ESRRB: variants seen among roughly 807,000 people sequenced by gnomAD.
ESRRB encodes the protein steroid hormone receptor ERR2.
Under a neutral mutation model 46.0 loss-of-function variants are expected in ESRRB, and 16 were observed. That is an observed-to-expected ratio of 0.35 (90% confidence interval 0.24 to 0.53). The LOEUF (loss-of-function observed/expected upper bound fraction) is 0.53, where lower values mean the gene tolerates loss of function less well. ESRRB is among the 20% of genes least tolerant of loss of function. ESRRB has a pLI of 0.93. For missense variants in ESRRB, 488 were observed against 607.4 expected, an observed-to-expected ratio of 0.80 and a Z score of 2.07; for synonymous variants, 246 against 259.6, an observed-to-expected ratio of 0.95 and a Z score of 0.50.
intron 1 of ESRRB, among the ~76,000 whole-genome samples, chr14:76,354,166 A>C (rs1884347241): frequency 6.7e-6 from 1 of 148,714 alleles, no homozygotes; most frequent in Admixed American, 6.7e-5. Flanking sequence ...CACCCCCGGG[A>C]AATCTGCTTG....
chr14:76,456,868 G>T (rs1888636532), intron 2 of ESRRB, among the ~76,000 whole-genome samples: 1 of 152,146 alleles, frequency 6.6e-6, no homozygotes, highest in South Asian at 2.1e-4. Context: ...AGATGAAAGG[G>T]ATGGTCCCTG....
chr14:76,445,218 C>A, intron 2 of ESRRB, among the ~76,000 whole-genome samples: 1 of 147,496 alleles, frequency 6.8e-6, no homozygotes. Context: ...ACCTGTAATC[C>A]CAGCACTTTG....
At chr14:76,489,479 A>ACACACACACACACACACACC in intron 5 of ESRRB, among the ~76,000 whole-genome samples, 1 of 150,016 alleles carries the variant, frequency 6.7e-6, no homozygotes, top group East Asian at 1.9e-4. Flanking sequence ...ACACACACAC[A>ACACACACACACACACACACC]CCCTGATCCC....
chr14:76,339,475 C>T (rs1451439255), intron 1 of ESRRB, among the ~76,000 whole-genome samples: 2 of 152,220 alleles, frequency 1.3e-5, no homozygotes, highest in African/African-American at 4.8e-5. Context: ...CCTCTTGGGG[C>T]CCCATGAGCT....
intron 1 of ESRRB, among the ~76,000 whole-genome samples, chr14:76,400,788 G>A (rs1199192082): frequency 2.6e-5 from 4 of 152,158 alleles, no homozygotes; most frequent in South Asian, 2.1e-4. Flanking sequence ...ATCCTCCAAC[G>A]GGCAGGCTCC....
chr14:76,490,198 C>A (rs1890170087), intron 5 of ESRRB, among the ~76,000 whole-genome samples: 1 of 152,192 alleles, frequency 6.6e-6, no homozygotes, highest in South Asian at 2.1e-4. Context: ...ATAAATCCAG[C>A]ATGTCCGTGT....
intron 1 of ESRRB, among the ~76,000 whole-genome samples, chr14:76,325,531 C>T (rs999458232): frequency 4.6e-5 from 7 of 152,006 alleles, no homozygotes; most frequent in Non-Finnish European, 7.4e-5. Flanking sequence ...AAGTTCTTCT[C>T]GTATTAATGC....
intron 1 of ESRRB, among the ~76,000 whole-genome samples, chr14:76,346,775 G>A (rs1884255501): frequency 6.6e-6 from 1 of 152,236 alleles, no homozygotes; most frequent in Admixed American, 6.5e-5. Flanking sequence ...AGTCCTGCAA[G>A]GTCTGAGAGG....
rs1341309369 is a variant in ESRRB at position 76,499,357 on chromosome 14, T to C, written c.*899T>C. On this transcript the variant is annotated 3_prime_UTR_variant, in exon 7 of 7. Coordinates refer to ENST00000644823, the MANE Select transcript of ESRRB (RefSeq NM_001379180.1). ...GGCAGGTCCAGGCCAAGTGAGCCTG[T>C]GAGAAGCTCAGGAGCCTGGCTCCAT... The C allele has an allele frequency of 4.0e-6, 1 of 248,378 alleles. No homozygotes were observed. Among genetic ancestry groups the C allele is most frequent in the African/African-American group, 2.2e-5 (1 of 44,876 alleles). The allele number at this position is 248,378 out of a possible 1,614,324, so 15.4% of individuals were successfully genotyped here. A position where few individuals can be genotyped will look rare whatever the true frequency, so the allele number is the denominator to read the frequency against.
In ESRRB at chr14:76,498,761, G is replaced by A. The variant is rs2140064669; in HGVS notation, c.*303G>A. On this transcript the variant is annotated 3_prime_UTR_variant, in exon 7 of 7. Transcript: ENST00000644823. Reference sequence around the variant, plus strand: ...GGGCTGACTCCCTTCAGGAGTGGAGGCCACTGGAGCAAGTGCCCTCTCCCC... The same window carrying A: ...GGGCTGACTCCCTTCAGGAGTGGAGACCACTGGAGCAAGTGCCCTCTCCCC... The A allele has an allele frequency of 1.3e-6, 1 of 784,278 alleles. No homozygotes were observed. The allele number at this position is 784,278 out of a possible 1,614,324, so 48.6% of individuals were successfully genotyped here. A position where few individuals can be genotyped will look rare whatever the true frequency, so the allele number is the denominator to read the frequency against.
At chr14:76,468,396 C>A (rs1011442541) in intron 3 of ESRRB, among the ~76,000 whole-genome samples, 1 of 111,846 alleles carries the variant, frequency 8.9e-6, no homozygotes, top group Non-Finnish European at 1.8e-5. Context: ...CACTGCCCCC[C>A]CCCCAACACC....
chr14:76,335,577 A>G (rs2360995), intron 1 of ESRRB, among the ~76,000 whole-genome samples: 101,108 of 152,128 alleles, frequency 0.66, 33,680 homozygotes, highest in Middle Eastern at 0.74. Flanking sequence ...GTTAGGTGAA[A>G]AGGAAACAAA....
intron 1 of ESRRB, among the ~76,000 whole-genome samples, chr14:76,420,261 G>GC (rs1027943403): frequency 4.6e-5 from 7 of 151,926 alleles, no homozygotes; most frequent in African/African-American, 7.2e-5. Flanking sequence ...GTATCTTCAG[G>GC]CCCCCCCAGC....
intron 1 of ESRRB, among the ~76,000 whole-genome samples, chr14:76,381,443 G>C (rs953364757): frequency 2.0e-5 from 3 of 152,182 alleles, no homozygotes; most frequent in Non-Finnish European, 2.9e-5. Flanking sequence ...ATGACTGGGA[G>C]AGATCCGTAG....
intron 5 of ESRRB, among the ~76,000 whole-genome samples, chr14:76,485,233 ATTTTTTTTTT>A (rs34504939): frequency 1.1e-5 from 1 of 91,858 alleles, no homozygotes; most frequent in African/African-American, 4.2e-5. Flanking sequence ...CAAATGCCTG[ATTTTTTTTTT>A]TTTTTTTTTT....
At chr14:76,411,647 C>A (rs1045058604) in intron 1 of ESRRB, among the ~76,000 whole-genome samples, 1 of 152,110 alleles carries the variant, frequency 6.6e-6, no homozygotes. Context: ...GCACGTGCTG[C>A]AAATTGTGTG....
At chr14:76,406,026 C>T (rs1886170976) in intron 1 of ESRRB, among the ~76,000 whole-genome samples, 1 of 152,160 alleles carries the variant, frequency 6.6e-6, no homozygotes, top group East Asian at 1.9e-4. Flanking sequence ...GCTTTGTGGA[C>T]ATTTAATTAC....
chr14:76,469,562 T>C (rs1889269812), intron 3 of ESRRB, among the ~76,000 whole-genome samples: 1 of 152,116 alleles, frequency 6.6e-6, no homozygotes, highest in Non-Finnish European at 1.5e-5. Flanking sequence ...AAAAAATTTT[T>C]TTTCACATTA....
intron 1 of ESRRB, among the ~76,000 whole-genome samples, chr14:76,364,694 A>G (rs1462225883): frequency 6.6e-6 from 1 of 151,600 alleles, no homozygotes; most frequent in African/African-American, 2.4e-5. Flanking sequence ...CCTGTCTCAA[A>G]AAAAAAAAAA....
Sources: allele counts gnomAD v4.1 joint callset (sites outside exome capture counted in the v4.1 genomes callset), GRCh38; gene constraint gnomAD v4.1.1; transcripts MANE v1.5; gene names NCBI Gene and HGNC (gene_info 2026-07-23, HGNC 2026-07-21).